The following KIAA0232 variants were observed in gnomAD, a reference collection of about 807,000 sequenced individuals.
KIAA0232 encodes the protein KIAA0232.
KIAA0232 carries 27 observed loss-of-function variants against 122.0 expected under a neutral mutation model. The ratio of observed to expected loss-of-function variants is 0.22; its 90% CI spans 0.16 to 0.31. The LOEUF is 0.31. Ranked by LOEUF, KIAA0232 falls within the 10% of genes least tolerant of loss-of-function variation. KIAA0232 has a pLI of 1.00. For missense variants in KIAA0232, 1,551 were observed against 1,634.2 expected (o/e 0.95, Z 0.88); for synonymous variants, 613 against 587.6 (o/e 1.04, Z -0.63).
intron 7 of KIAA0232, chr4:6,866,239 C>T (rs775959407): frequency 2.0e-6 from 2 of 983,600 alleles, no homozygotes; most frequent in Non-Finnish European, 2.4e-6. Flanking sequence ...TACATCATAC[C>T]ACTACCATAT....
chr4:6,830,130 G>A (rs889089279), intron 3 of KIAA0232, among the ~76,000 whole-genome samples: 2 of 152,180 alleles, frequency 1.3e-5, no homozygotes, highest in Non-Finnish European at 2.9e-5. Context: ...ATCATGTGCT[G>A]TGTGCCAGCC....
Position 6,830,269 on chromosome 4 carries a change from C to G in KIAA0232, c.231+5585C>G, listed in dbSNP as rs531364549. Among the ~76,000 whole-genome samples the G allele has an allele frequency of 2.0e-5, 3 of 152,262 alleles. No individual in the cohort carries two copies. The South Asian group carries it at 6.2e-4, about 32-fold the overall frequency. ...AAATAGCTTGCCCAAGGCCACACAG[C>G]TAGTAAATTTTGGAGCATTTACTGG... On this transcript the variant is annotated intron_variant, in intron 3 of 9. Transcript: ENST00000307659.
At chr4:6,797,838 G>T (rs921280704) in intron 1 of KIAA0232, among the ~76,000 whole-genome samples, 1 of 151,408 alleles carries the variant, frequency 6.6e-6, no homozygotes, top group African/African-American at 2.4e-5. Flanking sequence ...TTGGGAGGCC[G>T]AGGCGGGCGG....
intron 9 of KIAA0232, among the ~76,000 whole-genome samples, chr4:6,879,566 C>G (rs1252585347): frequency 6.6e-6 from 1 of 152,182 alleles, no homozygotes; most frequent in Non-Finnish European, 1.5e-5. Flanking sequence ...GGGTTCTCAA[C>G]CAGGGGCAAT....
intron 2 of KIAA0232, among the ~76,000 whole-genome samples, chr4:6,813,547 A>G (rs900794680): frequency 6.6e-5 from 10 of 151,816 alleles, no homozygotes; most frequent in Non-Finnish European, 1.3e-4. Flanking sequence ...TATTTTTAGT[A>G]GAGATGGGGT....
intron 6 of KIAA0232, among the ~76,000 whole-genome samples, chr4:6,859,101 A>T (rs1251002242): frequency 1.2e-4 from 4 of 33,868 alleles, no homozygotes; most frequent in Non-Finnish European, 2.1e-4. Flanking sequence ...CTGTCTTATT[A>T]AAAAAAAAAA....
At position 6,876,826 on chromosome 4, in the gene KIAA0232, C is replaced by T; in HGVS notation, c.4008+69C>T. 2 of 1,139,878 alleles carry T rather than the reference C, an allele frequency of 1.8e-6. 1 individual carries two copies. Among genetic ancestry groups the T allele is most frequent in the East Asian group, 4.8e-5 (2 of 41,866 alleles). 70.6% of individuals were successfully genotyped at this position (1,139,878 alleles called of 1,614,324 possible). A position where few individuals can be genotyped will look rare whatever the true frequency, so the allele number is the denominator to read the frequency against. On this transcript the variant is annotated intron_variant, in intron 9 of 9. Coordinates refer to ENST00000307659, the MANE Select transcript of KIAA0232 (RefSeq NM_014743.3). ...CACCACCTCCAGTTGTCACTGTAGT[C>T]AAAAACCTGGGAGTCATGTGAGTGG...
intron 2 of KIAA0232, among the ~76,000 whole-genome samples, chr4:6,817,259 G>A (rs1014842673): frequency 6.6e-6 from 1 of 152,114 alleles, no homozygotes; most frequent in African/African-American, 2.4e-5. Context: ...TCAAAATATA[G>A]TACTTCCTAA....
chr4:6,811,692 G>A (rs1249991847), intron 2 of KIAA0232, among the ~76,000 whole-genome samples: 1 of 150,232 alleles, frequency 6.7e-6, no homozygotes, highest in Non-Finnish European at 1.5e-5. Flanking sequence ...CAGTCCGTCC[G>A]CCTCGGCCAC....
At chr4:6,791,483 C>T (rs1716891456) in intron 1 of KIAA0232, among the ~76,000 whole-genome samples, 1 of 151,564 alleles carries the variant, frequency 6.6e-6, no homozygotes, top group African/African-American at 2.4e-5. Context: ...TATGCACCAC[C>T]ACACCCAGCT....
chr4:6,836,723 A>AC (rs1276974386), intron 3 of KIAA0232, among the ~76,000 whole-genome samples: 1 of 151,828 alleles, frequency 6.6e-6, no homozygotes, highest in African/African-American at 2.4e-5. Context: ...GTCCCTGAGT[A>AC]CGTGAGATTA....
At chr4:6,829,660 G>C (rs1577379113) in intron 3 of KIAA0232, among the ~76,000 whole-genome samples, 2 of 152,318 alleles carry the variant, frequency 1.3e-5, no homozygotes, top group South Asian at 2.1e-4. Flanking sequence ...AGTGTGCATT[G>C]ACTGGTGACC....
intron 7 of KIAA0232, among the ~76,000 whole-genome samples, chr4:6,865,153 T>A (rs1252652585): frequency 6.6e-6 from 1 of 152,218 alleles, no homozygotes; most frequent in East Asian, 1.9e-4. Context: ...AAGAAATGGC[T>A]TAAGGTTAAA....
At chr4:6,802,867 A>G (rs1053881298) in intron 1 of KIAA0232, among the ~76,000 whole-genome samples, 1 of 151,998 alleles carries the variant, frequency 6.6e-6, no homozygotes, top group Non-Finnish European at 1.5e-5. Context: ...GTCGAATATG[A>G]GTGCATATAG....
intron 3 of KIAA0232, among the ~76,000 whole-genome samples, chr4:6,838,442 G>C (rs1257532862): frequency 6.6e-6 from 1 of 152,108 alleles, no homozygotes; most frequent in Non-Finnish European, 1.5e-5. Context: ...GCCCACCTCT[G>C]CCTCCCAAAT....
At chr4:6,819,374 A>G (rs62289441) in intron 2 of KIAA0232, among the ~76,000 whole-genome samples, 4,991 of 152,268 alleles carry the variant, frequency 0.033, 141 homozygotes, top group Non-Finnish European at 0.051. Flanking sequence ...CACAGGTCCA[A>G]TATCCAGAAT....
chr4:6,842,055 A>G lies in KIAA0232; in HGVS notation c.232-12A>G, dbSNP rs1176548744. ...AGCCCTGGTCATTTAACCTGGTGCAATTTCATTGCAGGAGAATGACATCTT... is the reference window on the plus strand; with the variant it reads ...AGCCCTGGTCATTTAACCTGGTGCAGTTTCATTGCAGGAGAATGACATCTT... On this transcript the variant is annotated splice_polypyrimidine_tract_variant and intron_variant, in intron 3 of 9. Coordinates refer to ENST00000307659, the MANE Select transcript of KIAA0232 (RefSeq NM_014743.3). The G allele has an allele frequency of 3.1e-6, 5 of 1,613,112 alleles. No individual in the cohort carries two copies. The highest frequency in any genetic ancestry group is 2.7e-5 in the African/African-American group (2 of 74,822).
chr4:6,845,482 C>G (rs1417012895), intron 4 of KIAA0232, among the ~76,000 whole-genome samples: 1 of 152,094 alleles, frequency 6.6e-6, no homozygotes, highest in Middle Eastern at 3.2e-3. Context: ...GCCTGAGTCA[C>G]CACGCCCAGC....
intron 1 of KIAA0232, among the ~76,000 whole-genome samples, chr4:6,802,538 AC>A (rs150951826): frequency 0.015 from 2,248 of 149,852 alleles, 48 homozygotes; most frequent in African/African-American, 0.052. Context: ...ACTCTTCTCA[AC>A]CCCCCCCAAC....
Sources: gnomAD v4.1 joint callset for allele counts (sites outside exome capture counted in the v4.1 genomes callset) on GRCh38, gnomAD v4.1.1 for gene constraint, MANE v1.5 for transcripts, NCBI Gene and HGNC (gene_info 2026-07-23, HGNC 2026-07-21) for gene names.